SEC14L2: variants seen among roughly 807,000 people sequenced by gnomAD.
SEC14L2 encodes the protein SEC14 like lipid binding 2, also known as SEC14-like protein 2.
SEC14L2 carries 50 observed loss-of-function variants against 56.9 expected under a neutral mutation model. The ratio of observed to expected loss-of-function variants is 0.88; its 90% CI spans 0.70 to 1.11. The LOEUF (loss-of-function observed/expected upper bound fraction) is 1.11. SEC14L2 is among the 50% of genes most tolerant of loss of function. SEC14L2 has a pLI of 0.00. For missense variants in SEC14L2, 414 were observed against 500.7 expected (o/e 0.83, Z 1.65); for synonymous variants, 179 against 188.5 (o/e 0.95, Z 0.41).
rs991225374 is a variant in SEC14L2, at chr22:30,423,927, C to T, written c.*1520C>T. 2.6e-5 allele frequency: 4 copies of T among 152,300 alleles called. No homozygotes were observed. The highest frequency in any genetic ancestry group is 7.2e-5 in the African/African-American group (3 of 41,482). The allele number at this position is 152,300 out of a possible 1,614,324, so 9.4% of individuals were successfully genotyped here. The stretch of plus-strand genomic sequence containing the variant: ...CTCAGACGGCGTCAGGGACCCGGAC[C>T]CAGCAGCCGTTTCACGCCAATAGAT... On this transcript the variant is annotated 3_prime_UTR_variant, in exon 12 of 12. Coordinates refer to ENST00000615189, the MANE Select transcript of SEC14L2 (RefSeq NM_012429.5).
At chr22:30,410,449 C>T in intron 7 of SEC14L2, 147 bp from the exon 8 acceptor site, 1 of 681,616 alleles carries the variant, frequency 1.5e-6, no homozygotes, top group African/African-American at 1.8e-5. Context: ...GAGCTGCACA[C>T]CCTGGGCTGC....
At chr22:30,413,281 A>G (rs1331066201) in intron 8 of SEC14L2, among the ~76,000 whole-genome samples, 1 of 152,214 alleles carries the variant, frequency 6.6e-6, no homozygotes, top group Admixed American at 6.5e-5. Context: ...GGGAATGGAT[A>G]TGCAGGGAAG....
At chr22:30,398,242 T>C (rs1438945889) in intron 1 of SEC14L2, among the ~76,000 whole-genome samples, 1 of 152,080 alleles carries the variant, frequency 6.6e-6, no homozygotes, top group Non-Finnish European at 1.5e-5. Flanking sequence ...GATTAGGTGG[T>C]GATTAAACTG....
At chr22:30,402,235 A>G (rs1182204464) in intron 2 of SEC14L2, among the ~76,000 whole-genome samples, 2 of 152,138 alleles carry the variant, frequency 1.3e-5, no homozygotes, top group Non-Finnish European at 2.9e-5. Flanking sequence ...GTGGGTGGAG[A>G]GAGTGGGAAG....
chr22:30,399,243 G>A (rs761658969), intron 1 of SEC14L2, among the ~76,000 whole-genome samples: 1 of 152,106 alleles, frequency 6.6e-6, no homozygotes, highest in Non-Finnish European at 1.5e-5. Context: ...TTGGCCGGGC[G>A]TGGGGGTTCA....
At position 30,422,601 on chromosome 22, in the gene SEC14L2, TC is replaced by T; in HGVS notation, c.*198del. The T allele has an allele frequency of 1.7e-6, 1 of 602,372 alleles. No individual in the cohort carries two copies. Among genetic ancestry groups the T allele is most frequent in the Non-Finnish European group, 2.8e-6 (1 of 357,810 alleles). The allele number at this position is 602,372 out of a possible 1,614,324, so 37.3% of individuals were successfully genotyped here. A position where few individuals can be genotyped will look rare whatever the true frequency, so the allele number is the denominator to read the frequency against. ...CCGTGTCTATCAAATACCTAAGGAG[TC>T]CCCAGGAGCTGGCTGGCCATCGTGA... On this transcript the variant is annotated 3_prime_UTR_variant, in exon 12 of 12. Transcript: ENST00000615189.
At position 30,415,814 on chromosome 22, in the gene SEC14L2, G is replaced by A; in HGVS notation, c.720G>A (p.Glu240=). The stretch of plus-strand genomic sequence containing the variant: ...TCAGCCCTGACCAGGTGCCTGTGGA[G>A]TATGGGGGCACCATGACTGACCCTG... ...KHISPDQVPV[E]YGGTMTDPDG... is the part of the protein sequence containing the mutation. The change falls in exon 9 of 12, where the codon GAG becomes GAA. Residue 240 remains glutamate (E), a synonymous_variant. Transcript: ENST00000615189. 6.2e-7 allele frequency: 1 copy of A among 1,614,184 alleles called. No individual in the cohort carries two copies. Among genetic ancestry groups the A allele is most frequent in the East Asian group, 2.2e-5 (1 of 44,882 alleles).
chr22:30,410,475 A>T lies in SEC14L2; in HGVS notation c.581-121A>T, dbSNP rs563616841. The T allele has an allele frequency of 3.2e-5, 29 of 905,878 alleles. No homozygotes were observed. In the East Asian group the frequency reaches 6.9e-4, roughly 21 times the overall value. The allele number at this position is 905,878 out of a possible 1,614,324, so 56.1% of individuals were successfully genotyped here. On this transcript the variant is annotated intron_variant, in intron 7 of 11. Coordinates refer to ENST00000615189, the MANE Select transcript of SEC14L2 (RefSeq NM_012429.5). ...CCTGGGCTGCCTATGTGGGCTCCAG[A>T]GCCCTGGGGAACATGTGGCCCAGCA...
chr22:30,404,877 C>G (rs1934048637), intron 2 of SEC14L2, among the ~76,000 whole-genome samples: 1 of 152,122 alleles, frequency 6.6e-6, no homozygotes, highest in Admixed American at 6.5e-5. Flanking sequence ...TGAGACCAGC[C>G]TGGCCAACAT....
chr22:30,414,764 T>A (rs550988693), intron 8 of SEC14L2, among the ~76,000 whole-genome samples: 5,109 of 141,090 alleles, frequency 0.036, 119 homozygotes, highest in African/African-American at 0.062. Flanking sequence ...TTGGGTATTT[T>A]AAAAAAAAAA....
chr22:30,419,350 G>A lies in SEC14L2; in HGVS notation c.1082-2927G>A, dbSNP rs561658221. The stretch of plus-strand genomic sequence containing the variant: ...GTGGATCACTCGAGGCCAACAGTTC[G>A]AGACCAGCCTGGCCAACATGGCAAA... On this transcript the variant is annotated intron_variant, in intron 11 of 11. Coordinates refer to ENST00000615189, the MANE Select transcript of SEC14L2 (RefSeq NM_012429.5). Among the ~76,000 whole-genome samples, 321 of 152,274 alleles carry A rather than the reference G, an allele frequency of 2.1e-3. 1 individual carries two copies. The highest frequency in any genetic ancestry group is 3.8e-3 in the Admixed American group (58 of 15,292).
intron 8 of SEC14L2, among the ~76,000 whole-genome samples, chr22:30,414,092 A>C (rs571431304): frequency 1.2e-3 from 188 of 152,176 alleles, no homozygotes; most frequent in African/African-American, 4.3e-3. Flanking sequence ...CAGCCTCCCA[A>C]ATCACTGGGA....
chr22:30,409,546 G>A, intron 7 of SEC14L2, 60 bp downstream of exon 7: 1 of 1,478,736 alleles, frequency 6.8e-7, no homozygotes, highest in Non-Finnish European at 9.5e-7. Context: ...AAACATGACT[G>A]CGGCAGATGG....
chr22:30,408,050 C>T (rs1000964699), intron 5 of SEC14L2, among the ~76,000 whole-genome samples: 1 of 150,450 alleles, frequency 6.6e-6, no homozygotes, highest in African/African-American at 2.5e-5. Flanking sequence ...TAGGAAGCTG[C>T]AGTGAGCCAA....
Position 30,407,409 on chromosome 22 carries a change from GC to G in SEC14L2, c.235-3del. On this transcript the variant is annotated splice_region_variant and splice_polypyrimidine_tract_variant and intron_variant, in intron 4 of 11. Transcript: ENST00000615189. ...GACCAGGTGGCTCCTCTGTGTCTTT[GC>G]CCAGGTGATCCAACAGTATCTGTCA... 6 of 1,611,428 alleles carry G rather than the reference GC, an allele frequency of 3.7e-6. No individual in the cohort carries two copies. Among genetic ancestry groups the G allele is most frequent in the Non-Finnish European group, 5.1e-6 (6 of 1,177,888 alleles).
At position 30,416,328 on chromosome 22, in the gene SEC14L2, G is replaced by A. The variant is rs775987261; in HGVS notation, c.1006G>A (p.Val336Met). Residue 336 changes from valine to methionine, a missense_variant, in exon 11 of 12, where the codon GTG (valine) becomes ATG (methionine). Transcript: ENST00000615189. ...ERQRAGEMTE[V>M]LPNQRYNSHL... ...GCAGCGGGCAGGGGAGATGACAGAG[G>A]TGCTGCCCAACCAGAGGTACAACTC... 1.9e-6 allele frequency: 3 copies of A among 1,614,212 alleles called. No homozygotes were observed. In the East Asian group the frequency reaches 6.7e-5, roughly 36 times the overall value.
At chr22:30,415,201 G>A (rs1453788906) in intron 8 of SEC14L2, among the ~76,000 whole-genome samples, 5 of 152,194 alleles carry the variant, frequency 3.3e-5, no homozygotes, top group Admixed American at 3.3e-4. Flanking sequence ...GGAGGCCGAG[G>A]TGGGTGGATC....
intron 8 of SEC14L2, among the ~76,000 whole-genome samples, chr22:30,411,515 GT>G (rs907156943): frequency 6.6e-6 from 1 of 152,066 alleles, no homozygotes; most frequent in Non-Finnish European, 1.5e-5. Flanking sequence ...GGAGGCCGAG[GT>G]AGGCGGATCG....
At chr22:30,409,537 A>G in intron 7 of SEC14L2, 51 bp downstream of exon 7, 1 of 1,536,256 alleles carries the variant, frequency 6.5e-7, no homozygotes, top group Admixed American at 1.7e-5. Context: ...AGGGGTCAAA[A>G]ACATGACTGC....
Sources: allele counts gnomAD v4.1 joint callset (sites outside exome capture counted in the v4.1 genomes callset), GRCh38; gene constraint gnomAD v4.1.1; transcripts MANE v1.5; gene names NCBI Gene and HGNC (gene_info 2026-07-23, HGNC 2026-07-21).